The following ARHGAP10 variants were observed in gnomAD, a reference collection of about 807,000 sequenced individuals.
The protein encoded by ARHGAP10 is rho GTPase-activating protein 10.
ARHGAP10 carries 87 observed loss-of-function variants against 108.6 expected under a neutral mutation model. The ratio of observed to expected loss-of-function variants is 0.80; its 90% CI spans 0.67 to 0.96. ARHGAP10 has a LOEUF of 0.96. Among genes scored for constraint, ARHGAP10 ranks in the 40% least tolerant of loss-of-function variants. The probability of loss-of-function intolerance (pLI) is 0.00; values close to 1 mark genes in which losing one functional copy is unlikely to be tolerated. For synonymous variants in ARHGAP10, 347 were observed against 341.1 expected (o/e 1.02, Z -0.19); for missense variants, 939 against 954.5 (o/e 0.98, Z 0.21).
At position 147,837,643 on chromosome 4, in the gene ARHGAP10, G is replaced by GTTTTTTTTTTTTTTTTTTTTTTTTTTT. The variant is rs59933316; in HGVS notation, c.313-9489_313-9488insTTTTTTTTTTTTTTTTTTTTTTTTTTT. 1.0e-4 allele frequency among the ~76,000 whole-genome samples: 7 copies of GTTTTTTTTTTTTTTTTTTTTTTTTTTT among 70,220 alleles called. 1 individual carries two copies. The highest frequency in any genetic ancestry group is 1.2e-4 in the Non-Finnish European group (4 of 32,956). 46.1% of individuals were successfully genotyped at this position (70,220 alleles called of 152,430 possible). On this transcript the variant is annotated intron_variant, in intron 3 of 22. Coordinates refer to ENST00000336498, the MANE Select transcript of ARHGAP10 (RefSeq NM_024605.4). Reference sequence around the variant, plus strand: ...CACCTCGCTAGAATCTCTGGTCACTGTTTTTTTTTTTTTTTTTTTAAAGCA... The same window carrying GTTTTTTTTTTTTTTTTTTTTTTTTTTT: ...CACCTCGCTAGAATCTCTGGTCACTGTTTTTTTTTTTTTTTTTTTTTTTTTTTTTTTTTTTTTTTTTTTTTTAAAGCA...
At chr4:147,873,775 TG>T (rs1159636440) in intron 7 of ARHGAP10, among the ~76,000 whole-genome samples, 1 of 144,166 alleles carries the variant, frequency 6.9e-6, no homozygotes, top group Non-Finnish European at 1.5e-5. Context: ...CTCTGGAGGC[TG>T]AGGTGAGAGG....
intron 4 of ARHGAP10, among the ~76,000 whole-genome samples, chr4:147,850,487 C>T (rs762481119): frequency 1.6e-4 from 25 of 152,136 alleles, no homozygotes; most frequent in African/African-American, 2.7e-4. Flanking sequence ...ATGAACCCAG[C>T]GGGAGGAACA....
At chr4:147,942,412 G>A (rs1458076845) in intron 14 of ARHGAP10, among the ~76,000 whole-genome samples, 1 of 152,122 alleles carries the variant, frequency 6.6e-6, no homozygotes, top group Non-Finnish European at 1.5e-5. Flanking sequence ...GTTTGTTAAA[G>A]TGTTTTAAGT....
rs34169210 is a variant in ARHGAP10 at position 147,922,687 on chromosome 4, C to CAAAAAAA, written c.1228+9563_1228+9569dup. 2.5e-4 allele frequency among the ~76,000 whole-genome samples: 25 copies of CAAAAAAA among 99,226 alleles called. No homozygotes were observed. The South Asian group carries it at 8.2e-3, about 32-fold the overall frequency. The allele number at this position is 99,226 out of a possible 152,430, so 65.1% of individuals were successfully genotyped here. A position where few individuals can be genotyped will look rare whatever the true frequency, so the allele number is the denominator to read the frequency against. ...TGGGCGACAGAGCGAGACTCCGTCT[C>CAAAAAAA]AAAAAAAAAAAAAAAAAAAAATTTT... On this transcript the variant is annotated intron_variant, in intron 13 of 22. Transcript: ENST00000336498.
At chr4:147,904,737 G>T (rs923482907) in intron 10 of ARHGAP10, among the ~76,000 whole-genome samples, 2 of 152,156 alleles carry the variant, frequency 1.3e-5, no homozygotes. Flanking sequence ...AGTCCTTTGG[G>T]TATATACCCA....
chr4:147,906,844 T>C, intron 11 of ARHGAP10, 125 bp downstream of exon 11: 3 of 1,112,054 alleles, frequency 2.7e-6, no homozygotes, highest in East Asian at 5.0e-5. Context: ...CCAAAAATCA[T>C]CGTGGAAGCA....
chr4:147,802,589 A>G (rs1457780335), intron 1 of ARHGAP10, among the ~76,000 whole-genome samples: 1 of 152,140 alleles, frequency 6.6e-6, no homozygotes, highest in African/African-American at 2.4e-5. Flanking sequence ...TGTGTCTCGT[A>G]GTTACTTGTA....
rs1730777932 is a variant in ARHGAP10 at position 147,784,755 on chromosome 4, T to TAAATATAATATATTAC, written c.155-37969_155-37968insTATAATATATTACAAA. Among the ~76,000 whole-genome samples, 10 of 32,610 alleles carry TAAATATAATATATTAC rather than the reference T, an allele frequency of 3.1e-4. 4 individuals are homozygous for TAAATATAATATATTAC. The South Asian group carries it at 0.012, about 39-fold the overall frequency. 21.4% of individuals were successfully genotyped at this position (32,610 alleles called of 152,430 possible). A position where few individuals can be genotyped will look rare whatever the true frequency, so the allele number is the denominator to read the frequency against. On this transcript the variant is annotated intron_variant, in intron 1 of 22. Coordinates refer to ENST00000336498, the MANE Select transcript of ARHGAP10 (RefSeq NM_024605.4). ...AAATATATATTATAAATATATATTA[T>TAAATATAATATATTAC]AAAATGTATATTATAAATATAATAT...
At chr4:148,047,156 C>A in intron 20 of ARHGAP10, 105 bp downstream of exon 20, 1 of 1,357,118 alleles carries the variant, frequency 7.4e-7, no homozygotes, top group Non-Finnish European at 9.9e-7. Context: ...GCCATTAGAT[C>A]TAGGAGCCCT....
intron 15 of ARHGAP10, among the ~76,000 whole-genome samples, chr4:147,948,714 T>C (rs1738479928): frequency 6.6e-6 from 1 of 151,902 alleles, no homozygotes; most frequent in South Asian, 2.1e-4. Context: ...CTCAGCACTT[T>C]GGGAGGCCGA....
chr4:148,063,267 C>G lies in ARHGAP10; in HGVS notation c.2147C>G (p.Pro716Arg). Residue 716 changes from proline to arginine, a missense_variant, in exon 21 of 23, where the codon CCT becomes CGT. Coordinates refer to ENST00000336498, the MANE Select transcript of ARHGAP10 (RefSeq NM_024605.4). ...SPGSSPFPFS[P>R]PATVADKPPE... ...GGGTCGTCCCCTTTCCCCTTTTCTC[C>G]TCCTGCTACTGTAGCGGACAAGCCA... 6.2e-7 allele frequency: 1 copy of G among 1,614,168 alleles called. No individual in the cohort carries two copies. Among genetic ancestry groups the G allele is most frequent in the Non-Finnish European group, 8.5e-7 (1 of 1,180,040 alleles).
At chr4:148,060,275 ATTC>A (rs1338413911) in intron 20 of ARHGAP10, among the ~76,000 whole-genome samples, 1 of 151,432 alleles carries the variant, frequency 6.6e-6, no homozygotes, top group East Asian at 1.9e-4. Flanking sequence ...AAATGTTTCG[ATTC>A]TTCTTATTAA....
intron 3 of ARHGAP10, among the ~76,000 whole-genome samples, chr4:147,830,803 A>G (rs1732928506): frequency 6.6e-6 from 1 of 152,218 alleles, no homozygotes; most frequent in Non-Finnish European, 1.5e-5. Context: ...TACAGATGTG[A>G]GCCACCGCAC....
intron 10 of ARHGAP10, among the ~76,000 whole-genome samples, chr4:147,893,432 T>G (rs907130188): frequency 2.4e-4 from 35 of 147,776 alleles, no homozygotes; most frequent in African/African-American, 8.3e-4. Context: ...TATATATATT[T>G]CAATATATAT....
intron 1 of ARHGAP10, among the ~76,000 whole-genome samples, chr4:147,819,307 T>TA (rs1000885781): frequency 6.6e-6 from 1 of 152,102 alleles, no homozygotes; most frequent in African/African-American, 2.4e-5. Context: ...TAGCAATATA[T>TA]AAAAAATACA....
intron 19 of ARHGAP10, among the ~76,000 whole-genome samples, chr4:148,035,950 T>G (rs1282854106): frequency 6.6e-6 from 1 of 152,158 alleles, no homozygotes; most frequent in Non-Finnish European, 1.5e-5. Context: ...TTGATTTTCT[T>G]TTTTAAAAAA....
At chr4:147,961,833 C>T (rs937015750) in intron 16 of ARHGAP10, among the ~76,000 whole-genome samples, 1 of 152,172 alleles carries the variant, frequency 6.6e-6, no homozygotes, top group Admixed American at 6.5e-5. Flanking sequence ...TTGCAGATTT[C>T]TTCTCACTTG....
chr4:148,050,888 T>A (rs1729107365), intron 20 of ARHGAP10, among the ~76,000 whole-genome samples: 1 of 152,230 alleles, frequency 6.6e-6, no homozygotes, highest in Non-Finnish European at 1.5e-5. Context: ...AGATTCCTTT[T>A]AACCAAAGTT....
intron 20 of ARHGAP10, 133 bp downstream of exon 20, chr4:148,047,184 G>A (rs1728926875): frequency 9.4e-7 from 1 of 1,068,204 alleles, no homozygotes; most frequent in Non-Finnish European, 1.3e-6. Context: ...TTATCAGAAG[G>A]GCCACCAAAG....
Sources: allele counts gnomAD v4.1 joint callset (sites outside exome capture counted in the v4.1 genomes callset), GRCh38; gene constraint gnomAD v4.1.1; transcripts MANE v1.5; gene names NCBI Gene and HGNC (gene_info 2026-07-23, HGNC 2026-07-21).